Variants in PRICKLE3 observed in about 807,000 individuals in gnomAD.
PRICKLE3 encodes prickle planar cell polarity protein 3.
PRICKLE3 carries 17 observed loss-of-function variants against 33.8 expected under a neutral mutation model. The observed-to-expected ratio is 0.50, with a 90% confidence interval of 0.34 to 0.75. The LOEUF (loss-of-function observed/expected upper bound fraction) is 0.75, where lower values mean the gene tolerates loss of function less well. Ranked by LOEUF, PRICKLE3 falls within the 30% of genes least tolerant of loss-of-function variation. The probability of loss-of-function intolerance (pLI) is 0.01; values close to 1 mark genes in which losing one functional copy is unlikely to be tolerated. For synonymous variants in PRICKLE3, 211 were observed against 219.6 expected (o/e 0.96, Z 0.34); for missense variants, 573 against 576.7 (o/e 0.99, Z 0.07).
rs782810215 is a variant in PRICKLE3 at position 49,178,411 on chromosome X, C to T, written c.629G>A (p.Cys210Tyr). The change falls in exon 6 of 9, where the codon TGC becomes TAC. Residue 210 changes from cysteine to tyrosine, a missense_variant. By Grantham distance (194) the Cys-to-Tyr change is radical (BLOSUM62 -2). Coordinates refer to ENST00000599218, the MANE Select transcript of PRICKLE3 (RefSeq NM_006150.5). ...ACACACGAAGCACTGTGGGTGCCAG[C>T]AGGCACCCAGGCCTGCACGGCTGGC... The part of the protein sequence containing the change: ...VFASRAGLGA[C>Y]WHPQCFVCTT... 1 of 1,210,969 alleles carries T rather than the reference C, an allele frequency of 8.3e-7. No homozygotes were observed. The highest frequency in any genetic ancestry group is 1.7e-5 in the African/African-American group (1 of 57,644).
chrX:49,176,173 G>A lies in PRICKLE3; in HGVS notation c.1348C>T (p.Pro450Ser). ...TTAGGCTGGCCGGGGGACTCTGGGG[G>A]CGGCTCGGGGACACTGCGGAGCCCC... is the stretch of plus-strand genomic sequence containing the variant. ...ELGLRSVPEP[P>S]PESPGQPNLR... Residue 450 changes from proline to serine, a missense_variant, in exon 9 of 9, where the codon CCC becomes TCC. Physicochemically the swap from Pro to Ser is moderately conservative, Grantham distance 74 (BLOSUM62 -1). Transcript: ENST00000599218. The A allele has an allele frequency of 8.4e-7, 1 of 1,188,153 alleles. No homozygotes were observed. The highest frequency in any genetic ancestry group is 1.1e-6 in the Non-Finnish European group (1 of 883,210).
intron 1 of PRICKLE3, among the ~76,000 whole-genome samples, chrX:49,185,167 C>A (rs782633546): frequency 9.0e-6 from 1 of 111,357 alleles, no homozygotes; most frequent in South Asian, 3.8e-4. Flanking sequence ...GGGTAGGAGA[C>A]GAGACCGCAT....
Position 49,184,661 on chromosome X carries a change from C to T in PRICKLE3, c.92G>A (p.Arg31Lys). ...PDRGQPCNSC[R>K]EQCPGFLLHG... ...GAGCAGGAAGCCAGGGCACTGCTCC[C>T]TACAGGAGTTGCAGGGCTGGCCCCG... is the stretch of plus-strand genomic sequence containing the variant. The change falls in exon 2 of 9, where the codon AGG becomes AAG. Residue 31 changes from arginine (R) to lysine (K), a missense_variant. Arg to Lys is a conservative substitution (Grantham distance 26). Coordinates refer to ENST00000599218, the MANE Select transcript of PRICKLE3 (RefSeq NM_006150.5). 1 of 1,147,646 alleles carries T rather than the reference C, an allele frequency of 8.7e-7. No individual in the cohort carries two copies. Among genetic ancestry groups the T allele is most frequent in the Non-Finnish European group, 1.2e-6 (1 of 861,650 alleles). 94.6% of individuals were successfully genotyped at this position (1,147,646 alleles called of 1,213,427 possible).
At chrX:49,176,314 C>T in intron 8 of PRICKLE3, 49 bp from the exon 9 acceptor site, 1 of 994,812 alleles carries the variant, frequency 1.0e-6, no homozygotes, top group Non-Finnish European at 1.3e-6. Flanking sequence ...CTCCCACTGG[C>T]CCCCTCCTAA....
chrX:49,181,561 A>G (rs1337918888), intron 3 of PRICKLE3, among the ~76,000 whole-genome samples: 1 of 3,042 alleles, frequency 3.3e-4, no homozygotes, highest in Admixed American at 3.5e-3. Context: ...GTATATATAT[A>G]CACGTATATA....
chrX:49,184,759 G>T (rs1557101673), intron 1 of PRICKLE3, 49 bp from the exon 2 acceptor site: 2 of 1,161,488 alleles, frequency 1.7e-6, no homozygotes, highest in Non-Finnish European at 2.3e-6. Context: ...GCGGAAGCAG[G>T]GAAGGAGAAG....
Position 49,175,447 on chromosome X carries a change from A to G in PRICKLE3, c.*226T>C. 2.7e-6 allele frequency: 1 copy of G among 375,742 alleles called. No homozygotes were observed. The highest frequency in any genetic ancestry group is 4.5e-6 in the Non-Finnish European group (1 of 220,917). The allele number at this position is 375,742 out of a possible 1,213,427, so 31.0% of individuals were successfully genotyped here. On this transcript the variant is annotated 3_prime_UTR_variant, in exon 9 of 9. Coordinates refer to ENST00000599218, the MANE Select transcript of PRICKLE3 (RefSeq NM_006150.5). ...GAGGTGGGAGGATAGCTTGAGCCCA[A>G]AACTTTTGAGGCTGCAGTGAGCCCT...
Position 49,176,172 on chromosome X carries a change from G to A in PRICKLE3, c.1349C>T (p.Pro450Leu), listed in dbSNP as rs1462397732. ...GTTAGGCTGGCCGGGGGACTCTGGG[G>A]GCGGCTCGGGGACACTGCGGAGCCC... ...ELGLRSVPEP[P>L]PESPGQPNLR... Residue 450 changes from proline to leucine, a missense_variant, in exon 9 of 9, where the codon CCC becomes CTC. Transcript: ENST00000599218. The A allele has an allele frequency of 1.7e-6, 2 of 1,185,578 alleles. No individual in the cohort carries two copies. The highest frequency in any genetic ancestry group is 3.0e-5 in the East Asian group (1 of 33,379).
intron 8 of PRICKLE3, 97 bp downstream of exon 8, chrX:49,176,806 C>T: frequency 1.1e-6 from 1 of 903,188 alleles, no homozygotes; most frequent in Non-Finnish European, 1.5e-6. Flanking sequence ...AGGTGAAGGG[C>T]CTGGGCTAGT....
At chrX:49,180,892 A>ATAGGG (rs1569526375) in intron 3 of PRICKLE3, among the ~76,000 whole-genome samples, 1 of 111,496 alleles carries the variant, frequency 9.0e-6, no homozygotes, top group Non-Finnish European at 1.9e-5. Context: ...GTTCCAGGCA[A>ATAGGG]TGTGGCTATT....
At position 49,179,270 on chromosome X, in the gene PRICKLE3, G is replaced by C; in HGVS notation, c.545C>G (p.Thr182Ser). The stretch of plus-strand genomic sequence containing the variant: ...GCTCACCTCCTCACAGATGGCCCCA[G>C]TGATGGTCACCGGGAAGATGCGCAC... Reference protein sequence around the residue: ...GIVRIFPVTITGAICEECGKQ... With the variant: ...GIVRIFPVTISGAICEECGKQ... Residue 182 changes from threonine (T) to serine (S), a missense_variant, in exon 5 of 9, where the codon ACT (threonine) becomes AGT (serine). By Grantham distance (58) the Thr-to-Ser change is moderately conservative (BLOSUM62 1). Transcript: ENST00000599218. 8.3e-7 allele frequency: 1 copy of C among 1,211,550 alleles called. No individual in the cohort carries two copies.
intron 5 of PRICKLE3, 53 bp downstream of exon 5, chrX:49,179,198 C>T: frequency 8.5e-7 from 1 of 1,181,511 alleles, no homozygotes. Context: ...GTCCTGCTCC[C>T]CAGGGCTTGG....
rs1557100485 is a variant in PRICKLE3 at position 49,178,316 on chromosome X, G to A, written c.724C>T (p.His242Tyr). Residue 242 changes from histidine to tyrosine, a missense_variant, in exon 6 of 9, where the codon CAC becomes TAC. Transcript: ENST00000599218. ...YHVGKVYCGR[H>Y]HAECLRPRCQ... ...CGTGGACGCAGGCATTCGGCATGGT[G>A]ACGCCCGCAGTAGACCTTGCCAACA... 1 of 1,203,538 alleles carries A rather than the reference G, an allele frequency of 8.3e-7. No individual in the cohort carries two copies. Among genetic ancestry groups the A allele is most frequent in the Non-Finnish European group, 1.1e-6 (1 of 891,264 alleles).
intron 5 of PRICKLE3, 110 bp downstream of exon 5, chrX:49,179,141 C>A: frequency 9.9e-7 from 1 of 1,014,659 alleles, no homozygotes. Context: ...AGACACCTCA[C>A]TGGGGCTTAA....
In PRICKLE3 at chrX:49,177,006, G is replaced by A. The variant is rs963334015; in HGVS notation, c.1152C>T (p.Ala384=). ...APGPSRRSWS[A]GPVTAPLAAS... ...CTGCAAGTGGGGCTGTGACAGGGCC[G>A]GCACTCCAGCTGCGGCGGCTCGGCC... Residue 384 remains alanine, a synonymous_variant, in exon 8 of 9, where the codon GCC becomes GCT. Transcript: ENST00000599218. 1 of 1,210,442 alleles carries A rather than the reference G, an allele frequency of 8.3e-7. No homozygotes were observed. The highest frequency in any genetic ancestry group is 1.8e-5 in the South Asian group (1 of 56,753).
rs782124433 is a variant in PRICKLE3, at chrX:49,177,022, C to A, written c.1136G>T (p.Arg379Leu). The change falls in exon 8 of 9, where the codon CGC (arginine) becomes CTC (leucine). Residue 379 changes from arginine (R) to leucine (L), a missense_variant. Physicochemically the swap from Arg to Leu is moderately radical, Grantham distance 102. Coordinates refer to ENST00000599218, the MANE Select transcript of PRICKLE3 (RefSeq NM_006150.5). ...GSEPTAPGPS[R>L]RSWSAGPVTA... ...GACAGGGCCGGCACTCCAGCTGCGG[C>A]GGCTCGGCCCTGGAGCTGTGGGCTC... 2 of 1,209,251 alleles carry A rather than the reference C, an allele frequency of 1.7e-6. No homozygotes were observed. The highest frequency in any genetic ancestry group is 2.2e-6 in the Non-Finnish European group (2 of 894,190).
In PRICKLE3 at chrX:49,175,746, G is replaced by C. The variant is rs782122867; in HGVS notation, c.1775C>G (p.Ser592Cys). Residue 592 changes from serine to cysteine, a missense_variant, in exon 9 of 9, where the codon TCT (serine) becomes TGT (cysteine). Physicochemically the swap from Ser to Cys is moderately radical, Grantham distance 112. Transcript: ENST00000599218. ...DTAMETFNSPSLSLPRDSRAG... is the reference protein window; with the variant it reads ...DTAMETFNSPCLSLPRDSRAG... ...GCGAGAGTCCCTGGGGAGCGATAAA[G>C]ATGGGGAGTTGAAGGTCTCCATTGC... 25 of 1,210,257 alleles carry C rather than the reference G, an allele frequency of 2.1e-5. No individual in the cohort carries two copies. In the Admixed American group the frequency reaches 2.6e-4, roughly 13 times the overall value.
intron 3 of PRICKLE3, among the ~76,000 whole-genome samples, chrX:49,181,555 A>ACG (rs1247537882): frequency 1.1e-5 from 1 of 93,064 alleles, no homozygotes; most frequent in Admixed American, 1.2e-4. Context: ...ATATGTGTAT[A>ACG]TATATACACG....
chrX:49,186,215 G>A, intron 1 of PRICKLE3, 41 bp downstream of exon 1: 2 of 1,154,037 alleles, frequency 1.7e-6, no homozygotes, highest in African/African-American at 1.8e-5. Context: ...CTGGGCCTCA[G>A]TTTACCCCCG....
Sources: gnomAD v4.1 joint callset for allele counts (sites outside exome capture counted in the v4.1 genomes callset) on GRCh38, gnomAD v4.1.1 for gene constraint, MANE v1.5 for transcripts, NCBI Gene and HGNC (gene_info 2026-07-23, HGNC 2026-07-21) for gene names.